PKP4: variants seen among roughly 807,000 people sequenced by gnomAD.
PKP4 encodes plakophilin-4.
A neutral mutation model predicts 145.1 loss-of-function variants in PKP4; 90 were observed. The ratio of observed to expected loss-of-function variants is 0.62; its 90% CI spans 0.52 to 0.74. The LOEUF is 0.74. PKP4 is among the 30% of genes least tolerant of loss of function. The pLI is 0.00. For missense variants in PKP4, 1,340 were observed against 1,482.7 expected (o/e 0.90, Z 1.58); for synonymous variants, 563 against 577.2 (o/e 0.98, Z 0.35).
At chr2:158,662,601 G>A (rs1320446771) in intron 13 of PKP4, 1 of 226,894 alleles carries the variant, frequency 4.4e-6, no homozygotes, top group African/African-American at 2.3e-5. Flanking sequence ...AGCATCATGG[G>A]TGCAGTCTGC....
intron 3 of PKP4, among the ~76,000 whole-genome samples, chr2:158,587,002 A>G (rs1022751811): frequency 6.6e-6 from 1 of 152,240 alleles, no homozygotes; most frequent in East Asian, 1.9e-4. Flanking sequence ...TTTATGAGTA[A>G]TAGAATCTTT....
At chr2:158,580,214 G>GT (rs1164292871) in intron 3 of PKP4, among the ~76,000 whole-genome samples, 29 of 152,222 alleles carry the variant, frequency 1.9e-4, no homozygotes, top group Middle Eastern at 3.4e-3. Flanking sequence ...GGTTCCATAT[G>GT]TTTTTTTAAA....
intron 1 of PKP4, 56 bp downstream of exon 1, chr2:158,457,274 C>T (rs976371238): frequency 2.6e-5 from 4 of 151,670 alleles, no homozygotes; most frequent in African/African-American, 9.7e-5. Flanking sequence ...AGACCCTCGG[C>T]CCTCGCCCCG....
chr2:158,472,908 A>G (rs1691826123), intron 1 of PKP4, among the ~76,000 whole-genome samples: 1 of 152,218 alleles, frequency 6.6e-6, no homozygotes, highest in Non-Finnish European at 1.5e-5. Flanking sequence ...ATATTTGCAA[A>G]CTATGAATCT....
At chr2:158,627,990 AT>A (rs111973928) in intron 7 of PKP4, among the ~76,000 whole-genome samples, 7 of 149,502 alleles carry the variant, frequency 4.7e-5, no homozygotes, top group East Asian at 1.9e-4. Flanking sequence ...TTATTTTTTT[AT>A]TTTTTTTTGA....
rs976621929 is a variant in PKP4 at position 158,631,850 on chromosome 2, G to T, written c.1251G>T (p.Gly417=). Reference sequence around the variant, plus strand: ...TGCACATTACTCCTATATATGAGGGGAGGACCTATTACAGCCCAGTGTACC... The same window carrying T: ...TGCACATTACTCCTATATATGAGGGTAGGACCTATTACAGCCCAGTGTACC... ...PDLHITPIYE[G]RTYYSPVYRS... Residue 417 remains glycine (G), a synonymous_variant, in exon 8 of 22, where the codon GGG becomes GGT. Transcript: ENST00000389759. 3.1e-6 allele frequency: 5 copies of T among 1,614,134 alleles called. No homozygotes were observed. Among genetic ancestry groups the T allele is most frequent in the Non-Finnish European group, 4.2e-6 (5 of 1,179,996 alleles).
intron 3 of PKP4, among the ~76,000 whole-genome samples, chr2:158,598,391 T>C (rs1312789556): frequency 6.6e-6 from 1 of 152,150 alleles, no homozygotes; most frequent in Non-Finnish European, 1.5e-5. Flanking sequence ...CCTACTGGTA[T>C]CCACTAAAGC....
At position 158,497,194 on chromosome 2, in the gene PKP4, C is replaced by T. The variant is rs146349717; in HGVS notation, c.-5-35986C>T. Among the ~76,000 whole-genome samples the T allele has an allele frequency of 9.5e-3, 1,444 of 152,270 alleles. 5 individuals carry two copies. Among genetic ancestry groups the T allele is most frequent in the Non-Finnish European group, 0.014 (929 of 68,022 alleles). ...AGGGCCAGGTGTCAGGGAAGGGGAA[C>T]AGAGCTTCCACCCTGCAGGAACCTC... is the stretch of plus-strand genomic sequence containing the variant. On this transcript the variant is annotated intron_variant, in intron 1 of 21. Coordinates refer to ENST00000389759, the MANE Select transcript of PKP4 (RefSeq NM_003628.6).
At chr2:158,480,835 A>G (rs1693239005) in intron 1 of PKP4, among the ~76,000 whole-genome samples, 1 of 152,108 alleles carries the variant, frequency 6.6e-6, no homozygotes, top group Non-Finnish European at 1.5e-5. Flanking sequence ...TATCACACCA[A>G]AAATAAACCC....
chr2:158,600,756 T>G (rs1297743712), intron 3 of PKP4, among the ~76,000 whole-genome samples: 1 of 152,200 alleles, frequency 6.6e-6, no homozygotes, highest in African/African-American at 2.4e-5. Context: ...TTGGGCTGAA[T>G]AGATGATCTT....
intron 8 of PKP4, among the ~76,000 whole-genome samples, chr2:158,633,367 T>C (rs886340395): frequency 2.2e-4 from 33 of 152,326 alleles, no homozygotes; most frequent in African/African-American, 7.5e-4. Flanking sequence ...ACTGCAGTAC[T>C]GAGACAGTAA....
intron 1 of PKP4, among the ~76,000 whole-genome samples, chr2:158,478,327 G>C (rs1692812720): frequency 6.6e-6 from 1 of 151,812 alleles, no homozygotes; most frequent in South Asian, 2.1e-4. Flanking sequence ...GTTGTAAAAT[G>C]GGGTTTTCAC....
chr2:158,578,903 C>T (rs1281063881), intron 3 of PKP4, among the ~76,000 whole-genome samples: 1 of 152,152 alleles, frequency 6.6e-6, no homozygotes, highest in Non-Finnish European at 1.5e-5. Flanking sequence ...GCTTGAGCTA[C>T]CTCTGTAGGA....
Position 158,634,290 on chromosome 2 carries a change from G to A in PKP4, c.1562+1G>A. The A allele has an allele frequency of 6.2e-7, 1 of 1,612,824 alleles. No homozygotes were observed. The highest frequency in any genetic ancestry group is 1.3e-5 in the African/African-American group (1 of 75,012). The stretch of plus-strand genomic sequence containing the variant: ...TAGACAGCATTCAGAAGGACCCCAG[G>A]CGAGTACCAGTTAGGAGTCTCTAGA... On this transcript the variant is annotated splice_donor_variant, in intron 9 of 21. Coordinates refer to ENST00000389759, the MANE Select transcript of PKP4 (RefSeq NM_003628.6). LOFTEE classifies it high-confidence loss of function.
chr2:158,501,222 T>C (rs1696511896), intron 1 of PKP4, among the ~76,000 whole-genome samples: 1 of 152,188 alleles, frequency 6.6e-6, no homozygotes, highest in Non-Finnish European at 1.5e-5. Context: ...CTGAGATGTA[T>C]TAACAAGAAG....
intron 11 of PKP4, among the ~76,000 whole-genome samples, chr2:158,651,018 G>A (rs929457475): frequency 1.3e-5 from 2 of 152,174 alleles, no homozygotes; most frequent in Non-Finnish European, 2.9e-5. Context: ...GAAACTCTGG[G>A]AATGGCTATA....
At chr2:158,623,185 T>G (rs2052418748) in intron 6 of PKP4, among the ~76,000 whole-genome samples, 1 of 152,082 alleles carries the variant, frequency 6.6e-6, no homozygotes, top group African/African-American at 2.4e-5. Flanking sequence ...TGTTCTTAAT[T>G]AATAGAGACA....
chr2:158,611,897 C>T (rs1331570008), intron 4 of PKP4, among the ~76,000 whole-genome samples: 1 of 151,874 alleles, frequency 6.6e-6, no homozygotes, highest in Non-Finnish European at 1.5e-5. Context: ...TTCTACAGGC[C>T]CATTTAGCCA....
chr2:158,485,978 T>C (rs1435706050), intron 1 of PKP4, among the ~76,000 whole-genome samples: 2 of 152,218 alleles, frequency 1.3e-5, no homozygotes, highest in Non-Finnish European at 2.9e-5. Context: ...ATACACATTC[T>C]AATTTTGGCC....
Sources: allele counts gnomAD v4.1 joint callset (sites outside exome capture counted in the v4.1 genomes callset), GRCh38; gene constraint gnomAD v4.1.1; transcripts MANE v1.5; gene names NCBI Gene and HGNC (gene_info 2026-07-23, HGNC 2026-07-21).